The following FBXO42 variants were observed in gnomAD, a reference collection of about 807,000 sequenced individuals.
FBXO42 encodes the protein F-box protein 42.
A neutral mutation model predicts 71.7 loss-of-function variants in FBXO42; 12 were observed. The observed-to-expected ratio is 0.17, with a 90% CI of 0.11 to 0.27. The LOEUF is 0.27. Ranked by LOEUF, FBXO42 falls within the 10% of genes least tolerant of loss-of-function variation. The pLI, the probability that FBXO42 is intolerant of heterozygous loss-of-function variation, is 1.00. For missense variants in FBXO42, 707 were observed against 911.9 expected, an observed-to-expected ratio of 0.78 and a Z score of 2.89; for synonymous variants, 325 against 327.5, an observed-to-expected ratio of 0.99 and a Z score of 0.08.
chr1:16,305,742 A>T, intron 3 of FBXO42, 61 bp downstream of exon 3: 1 of 1,412,654 alleles, frequency 7.1e-7, no homozygotes, highest in Non-Finnish European at 1.0e-6. Flanking sequence ...ATGCCACCAA[A>T]CAAGTTTCTG....
chr1:16,348,981 T>C (rs916906272), intron 1 of FBXO42, among the ~76,000 whole-genome samples: 7 of 152,176 alleles, frequency 4.6e-5, no homozygotes, highest in African/African-American at 1.7e-4. Flanking sequence ...TCTGAGATAT[T>C]TTAATTGCAG....
intron 4 of FBXO42, among the ~76,000 whole-genome samples, chr1:16,282,873 C>T (rs111954769): frequency 0.028 from 4,290 of 151,808 alleles, 88 homozygotes; most frequent in Non-Finnish European, 0.043. Flanking sequence ...CCCAGCTACT[C>T]AGGAAGCTGA....
intron 1 of FBXO42, among the ~76,000 whole-genome samples, chr1:16,336,315 C>T (rs2082552757): frequency 6.6e-6 from 1 of 151,886 alleles, no homozygotes; most frequent in Non-Finnish European, 1.5e-5. Context: ...AATATTCTCT[C>T]TTCCCACCTC....
chr1:16,352,243 G>A lies in FBXO42; in HGVS notation c.-18+12C>T, dbSNP rs1483878919. On this transcript the variant is annotated intron_variant, in intron 1 of 9. Transcript: ENST00000375592. ...CTCCCCTCTGCGGCCCGGGGAGGAG[G>A]AGAGGCCTCACCTGGCCCAGCCCGC... 3 of 394,624 alleles carry A rather than the reference G, an allele frequency of 7.6e-6. No individual in the cohort carries two copies. Among genetic ancestry groups the A allele is most frequent in the Non-Finnish European group, 1.3e-5 (3 of 224,074 alleles). 24.4% of individuals were successfully genotyped at this position (394,624 alleles called of 1,614,324 possible).
intron 2 of FBXO42, among the ~76,000 whole-genome samples, chr1:16,310,694 TA>T (rs2100567003): frequency 6.6e-6 from 1 of 152,186 alleles, no homozygotes; most frequent in Non-Finnish European, 1.5e-5. Flanking sequence ...AAAGAACTCT[TA>T]AAACTCAACA....
At chr1:16,264,184 A>G (rs1002633333) in intron 4 of FBXO42, among the ~76,000 whole-genome samples, 1 of 152,218 alleles carries the variant, frequency 6.6e-6, no homozygotes, top group East Asian at 1.9e-4. Context: ...CCGAATGTGC[A>G]TGTAATTCAT....
intron 4 of FBXO42, among the ~76,000 whole-genome samples, chr1:16,268,096 A>T (rs1466432330): frequency 6.6e-6 from 1 of 151,202 alleles, no homozygotes; most frequent in South Asian, 2.1e-4. Context: ...GTTTAATCTG[A>T]TAATTTGTTA....
rs145143660 is a variant in FBXO42, at chr1:16,339,558, G to A, written c.-18+12697C>T. ...GATGTCTTGACCTCATGATCAGCCC[G>A]CCTCAGCCATCCAAAGTGCTGGGAT... On this transcript the variant is annotated intron_variant, in intron 1 of 9. Transcript: ENST00000375592. 5.7e-3 allele frequency among the ~76,000 whole-genome samples: 864 copies of A among 151,258 alleles called. 11 individuals are homozygous for A. The highest frequency in any genetic ancestry group is 8.8e-3 in the Admixed American group (134 of 15,192).
chr1:16,270,791 C>CAT (rs1442133589), intron 4 of FBXO42, among the ~76,000 whole-genome samples: 14 of 138,012 alleles, frequency 1.0e-4, no homozygotes, highest in African/African-American at 3.1e-4. Flanking sequence ...CACACACACA[C>CAT]ATATAAAATT....
intron 4 of FBXO42, among the ~76,000 whole-genome samples, chr1:16,288,470 T>A (rs1414684595): frequency 6.6e-6 from 1 of 150,740 alleles, no homozygotes; most frequent in East Asian, 1.9e-4. Flanking sequence ...ATAATAATAA[T>A]AAACAAATGT....
chr1:16,280,773 C>T (rs2081955269), intron 4 of FBXO42, among the ~76,000 whole-genome samples: 1 of 151,758 alleles, frequency 6.6e-6, no homozygotes, highest in African/African-American at 2.4e-5. Flanking sequence ...AACCCAGTCT[C>T]CAGAAAAAAA....
chr1:16,342,524 A>G (rs1193256157), intron 1 of FBXO42, among the ~76,000 whole-genome samples: 1 of 149,698 alleles, frequency 6.7e-6, no homozygotes, highest in Non-Finnish European at 1.5e-5. Context: ...TCAATGCTGG[A>G]GTAAACCGTG....
chr1:16,327,805 G>A (rs371560837), intron 1 of FBXO42, among the ~76,000 whole-genome samples: 7 of 152,118 alleles, frequency 4.6e-5, no homozygotes, highest in Admixed American at 6.6e-5. Context: ...AGGTTCAAGC[G>A]ATTCTCTCAC....
Position 16,251,556 on chromosome 1 carries a change from G to A in FBXO42, c.1268C>T (p.Ser423Phe), listed in dbSNP as rs1557566871. The A allele has an allele frequency of 6.2e-7, 1 of 1,614,022 alleles. No homozygotes were observed. Among genetic ancestry groups the A allele is most frequent in the Non-Finnish European group, 8.5e-7 (1 of 1,180,020 alleles). Residue 423 changes from serine to phenylalanine, a missense_variant, in exon 10 of 10, where the codon TCC becomes TTC. Physicochemically the swap from Ser to Phe is radical, Grantham distance 155. Coordinates refer to ENST00000375592, the MANE Select transcript of FBXO42 (RefSeq NM_018994.3). This position sits in a 1 kb window ranked among gnomAD's most constrained non-coding sequence, Gnocchi z 4.5. Reference protein sequence around the residue: ...PRAQRQTPSGSREGSLSPARG... With the variant: ...PRAQRQTPSGFREGSLSPARG... The stretch of plus-strand genomic sequence containing the variant: ...GGCTGGGGAAAGGCTCCCTTCCCGG[G>A]AACCTGAAGGAGTCTGCCTTTGAGC...
intron 2 of FBXO42, among the ~76,000 whole-genome samples, chr1:16,313,686 T>A (rs2082337845): frequency 6.6e-6 from 1 of 152,232 alleles, no homozygotes; most frequent in East Asian, 1.9e-4. Flanking sequence ...GAGAACCACC[T>A]TGATGCAAGG....
intron 4 of FBXO42, among the ~76,000 whole-genome samples, chr1:16,265,054 T>C (rs2081756519): frequency 6.6e-6 from 1 of 152,178 alleles, no homozygotes; most frequent in Non-Finnish European, 1.5e-5. Flanking sequence ...ATCACCTGTT[T>C]TAATTGGGGA....
At chr1:16,262,697 G>A (rs1012165627) in intron 4 of FBXO42, among the ~76,000 whole-genome samples, 2 of 152,072 alleles carry the variant, frequency 1.3e-5, no homozygotes, top group African/African-American at 4.8e-5. Flanking sequence ...ATCAATTTTG[G>A]CAATTTCTTT....
chr1:16,345,125 T>C (rs1269525820), intron 1 of FBXO42, among the ~76,000 whole-genome samples: 1 of 151,324 alleles, frequency 6.6e-6, no homozygotes, highest in Non-Finnish European at 1.5e-5. Flanking sequence ...CAAAAAAACA[T>C]ATATATATAT....
chr1:16,279,857 T>TTCTTTTTTTTA (rs2081943741), intron 4 of FBXO42, among the ~76,000 whole-genome samples: 1 of 144,410 alleles, frequency 6.9e-6, no homozygotes, highest in Non-Finnish European at 1.5e-5. Context: ...TTTTTTTCTT[T>TTCTTTTTTTTA]TTTTTTTGAG....
Sources: gnomAD v4.1 joint callset for allele counts (sites outside exome capture counted in the v4.1 genomes callset) on GRCh38, gnomAD v4.1.1 for gene constraint, Gnocchi (gnomAD v3.1) non-coding constraint, MANE v1.5 for transcripts, NCBI Gene and HGNC (gene_info 2026-07-23, HGNC 2026-07-21) for gene names.